The following LRRC9 variants were observed in gnomAD, a reference collection of about 807,000 sequenced individuals.
LRRC9 encodes leucine-rich repeat-containing protein 9.
In LRRC9, 122 loss-of-function variants were observed where a neutral mutation model predicts 63.2. The ratio of observed to expected loss-of-function variants is 1.93; its 90% CI spans 1.67 to 2.24. The LOEUF (loss-of-function observed/expected upper bound fraction) is 2.24. Among genes scored for constraint, LRRC9 ranks in the 30% most tolerant of loss-of-function variants. The probability of loss-of-function intolerance (pLI) is 0.00; values close to 1 mark genes in which losing one functional copy is unlikely to be tolerated. For synonymous variants in LRRC9, 366 were observed against 213.1 expected (o/e 1.72, Z -6.25); for missense variants, 1,071 against 627.7 (o/e 1.71, Z -7.55).
intron 4 of LRRC9, 87 bp from the exon 5 acceptor site, chr14:59,931,532 T>G: frequency 1.6e-6 from 1 of 617,412 alleles, no homozygotes; most frequent in Non-Finnish European, 2.9e-6. Flanking sequence ...TCAGAGCACC[T>G]GCAGAACTAA....
chr14:59,926,041 C>G (rs1215900595), intron 1 of LRRC9, among the ~76,000 whole-genome samples: 2 of 152,258 alleles, frequency 1.3e-5, no homozygotes, highest in African/African-American at 4.8e-5. Context: ...GTTTGCTTCC[C>G]CTTCTGCTGT....
At position 59,958,379 on chromosome 14, in the gene LRRC9, G is replaced by C. The variant is rs1884003606; in HGVS notation, c.883-1439G>C. The stretch of plus-strand genomic sequence containing the variant: ...AATCTAGAGAAGCAGTCTGACCACA[G>C]CTGCTTTGCCACCGGGCCCAGACCT... On this transcript the variant is annotated intron_variant, in intron 8 of 31. Coordinates refer to ENST00000445360, the Ensembl canonical transcript of LRRC9. The surrounding 1 kb of genome is among the most constrained non-coding windows in gnomAD (Gnocchi z 4.0). 6.6e-6 allele frequency among the ~76,000 whole-genome samples: 1 copy of C among 152,166 alleles called. No homozygotes were observed. Among genetic ancestry groups the C allele is most frequent in the African/African-American group, 2.4e-5 (1 of 41,440 alleles).
Position 60,058,230 on chromosome 14 carries a change from G to C in LRRC9, c.4276+208G>C, listed in dbSNP as rs915874140. On this transcript the variant is annotated intron_variant, in intron 31 of 31. Coordinates refer to ENST00000445360, the Ensembl canonical transcript of LRRC9. The surrounding 1 kb of genome is among the most constrained non-coding windows in gnomAD (Gnocchi z 4.4). ...TTTATTATAGCTTTTTTTGTACTCA[G>C]CTACTAGCATGTTGTGACTAAACAT... Among the ~76,000 whole-genome samples, 5 of 152,108 alleles carry C rather than the reference G, an allele frequency of 3.3e-5. 1 individual carries two copies. Among genetic ancestry groups the C allele is most frequent in the Admixed American group, 3.3e-4 (5 of 15,278 alleles).
chr14:59,941,871 C>T (rs1450935184), intron 7 of LRRC9, among the ~76,000 whole-genome samples: 2 of 152,036 alleles, frequency 1.3e-5, no homozygotes, highest in African/African-American at 4.8e-5. Context: ...CCATATTCAC[C>T]CTGCAGTGCT....
intron 13 of LRRC9, 54 bp downstream of exon 13, chr14:59,974,762 T>C (rs1885929657): frequency 1.8e-6 from 1 of 566,224 alleles, no homozygotes; most frequent in Admixed American, 3.5e-5. Context: ...TTCAAATTCA[T>C]TAATTATTTT....
At position 60,053,265 on chromosome 14, in the gene LRRC9, CAT is replaced by C; in HGVS notation, c.4131+61_4131+62del. 1.5e-6 allele frequency: 1 copy of C among 651,710 alleles called. No individual in the cohort carries two copies. 40.4% of individuals were successfully genotyped at this position (651,710 alleles called of 1,614,324 possible). The stretch of plus-strand genomic sequence containing the variant: ...AGCACATTAATGGTTAGTAAATGAA[CAT>C]TATATCTTTTGATTTAAATGTTTAA... On this transcript the variant is annotated intron_variant, in intron 30 of 31. Coordinates refer to ENST00000445360, the Ensembl canonical transcript of LRRC9. The surrounding 1 kb of genome is among the most constrained non-coding windows in gnomAD (Gnocchi z 4.8).
intron 15 of LRRC9, among the ~76,000 whole-genome samples, chr14:59,980,102 G>A (rs1401270916): frequency 6.6e-6 from 1 of 152,036 alleles, no homozygotes; most frequent in African/African-American, 2.4e-5. Flanking sequence ...CAAAAAGCCT[G>A]TAATAAATAT....
chr14:60,029,690 C>A (rs906419455), intron 28 of LRRC9, among the ~76,000 whole-genome samples: 2 of 152,068 alleles, frequency 1.3e-5, no homozygotes, highest in African/African-American at 2.4e-5. Flanking sequence ...GGATAGAGAT[C>A]AGCTGGTATA....
intron 13 of LRRC9, among the ~76,000 whole-genome samples, chr14:59,976,115 G>T (rs1430622554): frequency 6.6e-6 from 1 of 152,222 alleles, no homozygotes; most frequent in African/African-American, 2.4e-5. Context: ...CTGATGATAT[G>T]TCACTTGTCT....
At chr14:59,970,542 C>G (rs1291976641) in intron 12 of LRRC9, among the ~76,000 whole-genome samples, 1 of 152,188 alleles carries the variant, frequency 6.6e-6, no homozygotes, top group African/African-American at 2.4e-5. Context: ...ATTTACACTT[C>G]CATCAACAGT....
At chr14:60,052,999 C>A in intron 29 of LRRC9, 66 bp from the exon 30 acceptor site, 1 of 643,434 alleles carries the variant, frequency 1.6e-6, no homozygotes. Flanking sequence ...ATTTCCTTCT[C>A]TATACAGGTT....
intron 30 of LRRC9, among the ~76,000 whole-genome samples, chr14:60,054,822 T>C (rs958596961): frequency 2.6e-5 from 4 of 152,056 alleles, no homozygotes; most frequent in African/African-American, 7.2e-5. Context: ...AATGCAGTGG[T>C]ATAATCTTGG....
rs1203593147 is a variant in LRRC9, at chr14:59,930,589, T to C, written c.268-329T>C. The stretch of plus-strand genomic sequence containing the variant: ...TAAAGTGCTTACATTGTTATAATCA[T>C]AACCATATGATCATAATCATTTCTA... On this transcript the variant is annotated intron_variant, in intron 3 of 31. Coordinates refer to ENST00000445360, the Ensembl canonical transcript of LRRC9. This position sits in a 1 kb window ranked among gnomAD's most constrained non-coding sequence, Gnocchi z 4.9. Among the ~76,000 whole-genome samples the C allele has an allele frequency of 6.6e-6, 1 of 151,884 alleles. No individual in the cohort carries two copies. The highest frequency in any genetic ancestry group is 1.5e-5 in the Non-Finnish European group (1 of 67,882).
chr14:60,053,546 A>T lies in LRRC9; in HGVS notation c.4131+341A>T, dbSNP rs1267751991. On this transcript the variant is annotated intron_variant, in intron 30 of 31. Transcript: ENST00000445360. This position sits in a 1 kb window ranked among gnomAD's most constrained non-coding sequence, Gnocchi z 4.8. ...ATGCTAGAACATAGGAAACTATAACATATCACTTTCATAAATAGAAACTAA... is the reference window on the plus strand; with the variant it reads ...ATGCTAGAACATAGGAAACTATAACTTATCACTTTCATAAATAGAAACTAA... 6.6e-6 allele frequency among the ~76,000 whole-genome samples: 1 copy of T among 152,186 alleles called. No homozygotes were observed. The highest frequency in any genetic ancestry group is 1.9e-4 in the East Asian group (1 of 5,202).
chr14:59,921,235 TG>T (rs1888748274), intron 1 of LRRC9, among the ~76,000 whole-genome samples: 1 of 152,150 alleles, frequency 6.6e-6, no homozygotes, highest in South Asian at 2.1e-4. Flanking sequence ...TAGGGTCCTC[TG>T]TGGAGGTTGT....
intron 29 of LRRC9, 76 bp downstream of exon 29, chr14:60,032,139 A>G (rs1892039874): frequency 1.6e-6 from 1 of 641,876 alleles, no homozygotes; most frequent in African/African-American, 1.8e-5. Context: ...ATGGTATTAG[A>G]AAGGGATTTA....
rs61188296 is a variant in LRRC9 at position 59,996,199 on chromosome 14, GT to G, written c.2212-1447del. Among the ~76,000 whole-genome samples the G allele has an allele frequency of 3.5e-4, 52 of 148,630 alleles. No homozygotes were observed. In the South Asian group the frequency reaches 7.9e-3, roughly 23 times the overall value. On this transcript the variant is annotated intron_variant, in intron 17 of 31. Coordinates refer to ENST00000445360, the Ensembl canonical transcript of LRRC9. ...AGCCTAATTCACTTTACTTAAAGGT[GT>G]TTTTTTTTTCTAAAGTTATGGCCTT...
rs1170730164 is a variant in LRRC9 at position 60,017,222 on chromosome 14, T to C, written c.3317+432T>C. ...CCTTTGTATGGCATAAAAGACTCTT[T>C]ATTATCTGTCCATTATTATCTCTTG... is the stretch of plus-strand genomic sequence containing the variant. On this transcript the variant is annotated intron_variant, in intron 24 of 31. Transcript: ENST00000445360. This position sits in a 1 kb window ranked among gnomAD's most constrained non-coding sequence, Gnocchi z 4.0. Among the ~76,000 whole-genome samples, 1 of 152,072 alleles carries C rather than the reference T, an allele frequency of 6.6e-6. No homozygotes were observed. The highest frequency in any genetic ancestry group is 2.4e-5 in the African/African-American group (1 of 41,426).
At chr14:60,036,382 G>A (rs147852361) in intron 29 of LRRC9, among the ~76,000 whole-genome samples, 6 of 152,316 alleles carry the variant, frequency 3.9e-5, no homozygotes, top group Non-Finnish European at 8.8e-5. Context: ...AGAGGCATTA[G>A]TGGTCATGTC....
Sources: gnomAD v4.1 joint callset for allele counts (sites outside exome capture counted in the v4.1 genomes callset) on GRCh38, gnomAD v4.1.1 for gene constraint, Gnocchi (gnomAD v3.1) non-coding constraint, MANE v1.5 for transcripts, NCBI Gene and HGNC (gene_info 2026-07-23, HGNC 2026-07-21) for gene names.